The following SEPTIN11 variants were observed in gnomAD, a reference collection of about 807,000 sequenced individuals.
The protein encoded by SEPTIN11 is septin-11.
SEPTIN11 carries 25 observed loss-of-function variants against 51.4 expected under a neutral mutation model. The ratio of observed to expected loss-of-function variants is 0.49; its 90% CI spans 0.35 to 0.68. The LOEUF is 0.68. Among genes scored for constraint, SEPTIN11 ranks in the 30% least tolerant of loss-of-function variants. The pLI, the probability that SEPTIN11 is intolerant of heterozygous loss-of-function variation, is 0.00. For synonymous variants in SEPTIN11, 174 were observed against 184.1 expected (o/e 0.95, Z 0.44); for missense variants, 381 against 520.8 (o/e 0.73, Z 2.61).
intron 1 of SEPTIN11, among the ~76,000 whole-genome samples, chr4:76,976,608 G>A (rs950293305): frequency 5.3e-5 from 8 of 152,108 alleles, no homozygotes; most frequent in East Asian, 1.9e-4. Flanking sequence ...AGGGTAACCC[G>A]CTATTTGACT....
chr4:76,978,394 G>A (rs1722601748), intron 1 of SEPTIN11, among the ~76,000 whole-genome samples: 1 of 152,142 alleles, frequency 6.6e-6, no homozygotes, highest in African/African-American at 2.4e-5. Flanking sequence ...CTTCTGTAGT[G>A]TGATGTGCTT....
chr4:77,004,158 G>A (rs982741784), intron 2 of SEPTIN11, among the ~76,000 whole-genome samples: 1 of 152,142 alleles, frequency 6.6e-6, no homozygotes, highest in Non-Finnish European at 1.5e-5. Context: ...TATTTTGAGG[G>A]TTGGGCTGCA....
intron 1 of SEPTIN11, among the ~76,000 whole-genome samples, chr4:76,973,639 A>C (rs1428020108): frequency 1.3e-5 from 2 of 152,188 alleles, no homozygotes; most frequent in Non-Finnish European, 2.9e-5. Flanking sequence ...CAGAAACCAA[A>C]ATCTATTTAT....
At chr4:77,014,630 G>T (rs1725084567) in intron 4 of SEPTIN11, among the ~76,000 whole-genome samples, 1 of 150,212 alleles carries the variant, frequency 6.7e-6, no homozygotes, top group African/African-American at 2.5e-5. Flanking sequence ...CACCTAGGTA[G>T]AAAGTCTGAT....
chr4:77,011,671 T>C, intron 3 of SEPTIN11, 64 bp from the exon 4 acceptor site: 2 of 1,481,578 alleles, frequency 1.3e-6, no homozygotes, highest in South Asian at 1.2e-5. Context: ...CATTGTGATG[T>C]TGAATGGAGG....
At chr4:76,990,433 C>T (rs1723310384) in intron 1 of SEPTIN11, among the ~76,000 whole-genome samples, 1 of 152,178 alleles carries the variant, frequency 6.6e-6, no homozygotes, top group Non-Finnish European at 1.5e-5. Context: ...CCCCAATCCC[C>T]AGGCTGCCAA....
chr4:76,965,312 G>A lies in SEPTIN11; in HGVS notation c.27+15382G>A, dbSNP rs1038704399. On this transcript the variant is annotated intron_variant, in intron 1 of 9. Coordinates refer to ENST00000264893, the MANE Select transcript of SEPTIN11 (RefSeq NM_018243.4). The stretch of plus-strand genomic sequence containing the variant: ...CTAAAAATACAAAAATTAGCCAGGC[G>A]TGGTGGCGTGCACCTGTAGTCCAGG... Among the ~76,000 whole-genome samples the A allele has an allele frequency of 2.6e-5, 4 of 151,968 alleles. No homozygotes were observed. The South Asian group carries it at 6.2e-4, about 24-fold the overall frequency.
chr4:77,036,015 A>G lies in SEPTIN11; in HGVS notation c.*1503A>G, dbSNP rs1473570757. ...GATAGAATATGCTGCGTCTCCCCTG[A>G]CACACACTTTCTTTTTTGAATGAGC... On this transcript the variant is annotated 3_prime_UTR_variant, in exon 10 of 10. Transcript: ENST00000264893. The G allele has an allele frequency of 1.0e-6, 1 of 985,850 alleles. No homozygotes were observed. Among genetic ancestry groups the G allele is most frequent in the African/African-American group, 1.7e-5 (1 of 57,244 alleles). The allele number at this position is 985,850 out of a possible 1,614,324, so 61.1% of individuals were successfully genotyped here. A position where few individuals can be genotyped will look rare whatever the true frequency, so the allele number is the denominator to read the frequency against.
chr4:76,996,412 C>A lies in SEPTIN11; in HGVS notation c.28-13C>A. 1 of 1,591,062 alleles carries A rather than the reference C, an allele frequency of 6.3e-7. No individual in the cohort carries two copies. Among genetic ancestry groups the A allele is most frequent in the Non-Finnish European group, 8.6e-7 (1 of 1,159,062 alleles). ...TTCATGGACACTCAAATCTTTCTCC[C>A]CTGAAATTGCAGAATGAAGAGCTTC... is the stretch of plus-strand genomic sequence containing the variant. On this transcript the variant is annotated splice_polypyrimidine_tract_variant and intron_variant, in intron 1 of 9. Transcript: ENST00000264893.
At chr4:76,960,328 T>C (rs1400631264) in intron 1 of SEPTIN11, among the ~76,000 whole-genome samples, 1 of 152,232 alleles carries the variant, frequency 6.6e-6, no homozygotes, top group Non-Finnish European at 1.5e-5. Context: ...GAATGTTGGA[T>C]TGTCTGAAGT....
intron 1 of SEPTIN11, chr4:76,995,955 C>T (rs1359893243): frequency 3.3e-6 from 5 of 1,534,604 alleles, no homozygotes; most frequent in African/African-American, 1.4e-5. Context: ...AGAGCATTGT[C>T]ATCATTGTAA....
chr4:76,970,261 C>T (rs1722187596), intron 1 of SEPTIN11, among the ~76,000 whole-genome samples: 1 of 152,208 alleles, frequency 6.6e-6, no homozygotes, highest in African/African-American at 2.4e-5. Flanking sequence ...TTTTCTTAGG[C>T]TTCTCTAATC....
intron 2 of SEPTIN11, among the ~76,000 whole-genome samples, chr4:77,004,940 G>T (rs558350212): frequency 6.6e-6 from 1 of 152,078 alleles, no homozygotes; most frequent in Non-Finnish European, 1.5e-5. Context: ...TCCAGCCTGG[G>T]GGACAGAGCG....
At chr4:76,992,238 C>T (rs1175923374) in intron 1 of SEPTIN11, among the ~76,000 whole-genome samples, 1 of 152,206 alleles carries the variant, frequency 6.6e-6, no homozygotes, top group Non-Finnish European at 1.5e-5. Flanking sequence ...CTTGGAGCTA[C>T]TTTGCCAGTT....
At chr4:77,014,120 G>A (rs1166299691) in intron 4 of SEPTIN11, among the ~76,000 whole-genome samples, 3 of 152,194 alleles carry the variant, frequency 2.0e-5, no homozygotes, top group Non-Finnish European at 2.9e-5. Flanking sequence ...AACTGATGCT[G>A]TGAAAGTGAG....
intron 1 of SEPTIN11, among the ~76,000 whole-genome samples, chr4:76,965,002 T>A (rs772564822): frequency 6.6e-6 from 1 of 152,166 alleles, no homozygotes; most frequent in Non-Finnish European, 1.5e-5. Flanking sequence ...ATTCACTGAG[T>A]TAAAACTTGG....
chr4:76,981,854 C>T (rs959210679), intron 1 of SEPTIN11, among the ~76,000 whole-genome samples: 1 of 151,782 alleles, frequency 6.6e-6, no homozygotes, highest in African/African-American at 2.4e-5. Flanking sequence ...CAATTCTATA[C>T]TCATGATCCC....
At chr4:76,972,510 A>C (rs1166466560) in intron 1 of SEPTIN11, 4 of 152,320 alleles carry the variant, frequency 2.6e-5, no homozygotes, top group African/African-American at 9.6e-5. Context: ...TAAGGCATGA[A>C]AAGGAAGAGC....
rs765523431 is a variant in SEPTIN11, at chr4:77,011,867, T to C, written c.471T>C (p.Thr157=). Residue 157 remains threonine, a synonymous_variant, in exon 4 of 10, where the codon ACT becomes ACC. Transcript: ENST00000264893. ...IHACLYFIAP[T]GHSLKSLDLV... ...CCTGCCTCTACTTTATTGCCCCTAC[T>C]GGACATTCACTAAAGTCCCTGGATC... 18 of 1,614,100 alleles carry C rather than the reference T, an allele frequency of 1.1e-5. No individual in the cohort carries two copies. The highest frequency in any genetic ancestry group is 1.5e-5 in the Non-Finnish European group (18 of 1,179,972).
Sources: allele counts gnomAD v4.1 joint callset (sites outside exome capture counted in the v4.1 genomes callset), GRCh38; gene constraint gnomAD v4.1.1; transcripts MANE v1.5; gene names NCBI Gene and HGNC (gene_info 2026-07-23, HGNC 2026-07-21).